The following GRM1 variants were observed in gnomAD, a reference collection of about 807,000 sequenced individuals.
GRM1 encodes glutamate metabotropic receptor 1.
A neutral mutation model predicts 90.9 loss-of-function variants in GRM1; 33 were observed. That is an observed-to-expected ratio of 0.36 (90% CI 0.28 to 0.49). The LOEUF (loss-of-function observed/expected upper bound fraction) is 0.49. GRM1 is among the 20% of genes least tolerant of loss of function. The probability of loss-of-function intolerance (pLI) is 0.99; values close to 1 mark genes in which losing one functional copy is unlikely to be tolerated. For synonymous variants in GRM1, 700 were observed against 613.2 expected, an observed-to-expected ratio of 1.14 and a Z score of -2.09; for missense variants, 1,190 against 1,534.3, an observed-to-expected ratio of 0.78 and a Z score of 3.75.
chr6:146,142,419 A>T (rs374636721), intron 1 of GRM1, among the ~76,000 whole-genome samples: 1 of 152,196 alleles, frequency 6.6e-6, no homozygotes, highest in South Asian at 2.1e-4. Context: ...GCTACTGCCT[A>T]TGTTTGCTGG....
chr6:146,052,181 A>G (rs920606724), intron 1 of GRM1, among the ~76,000 whole-genome samples: 6 of 152,104 alleles, frequency 3.9e-5, no homozygotes, highest in Non-Finnish European at 8.8e-5. Context: ...TGAGGGAAAG[A>G]ATTAGAGATT....
intron 1 of GRM1, among the ~76,000 whole-genome samples, chr6:146,040,461 A>G (rs1211331567): frequency 1.3e-5 from 2 of 152,028 alleles, no homozygotes; most frequent in Non-Finnish European, 2.9e-5. Context: ...TCTGGGGGTG[A>G]TGAATTCCCT....
intron 5 of GRM1, among the ~76,000 whole-genome samples, chr6:146,370,178 G>A (rs1372544538): frequency 6.6e-6 from 1 of 151,996 alleles, no homozygotes; most frequent in African/African-American, 2.4e-5. Flanking sequence ...TCTTGATGTT[G>A]TGCAAGTTTA....
intron 2 of GRM1, among the ~76,000 whole-genome samples, chr6:146,270,965 CTT>C (rs1207791033): frequency 1.9e-5 from 2 of 102,606 alleles, no homozygotes; most frequent in African/African-American, 8.5e-5. Flanking sequence ...TTCTTTCTTT[CTT>C]TTTTTTTTCT....
chr6:146,192,172 T>C (rs569191381), intron 2 of GRM1, among the ~76,000 whole-genome samples: 1 of 152,342 alleles, frequency 6.6e-6, no homozygotes, highest in East Asian at 1.9e-4. Context: ...AATAATAATG[T>C]TCTGCCATCC....
chr6:146,265,919 G>A (rs1781869226), intron 2 of GRM1, among the ~76,000 whole-genome samples: 1 of 152,174 alleles, frequency 6.6e-6, no homozygotes. Context: ...GGCTGGGAGT[G>A]GTGGCTCACG....
intron 1 of GRM1, among the ~76,000 whole-genome samples, chr6:146,124,680 C>A (rs1470982242): frequency 6.6e-6 from 1 of 151,968 alleles, no homozygotes; most frequent in East Asian, 1.9e-4. Flanking sequence ...ATATATATTA[C>A]AATAAACATT....
chr6:146,422,506 T>C (rs1778032264), intron 7 of GRM1, among the ~76,000 whole-genome samples: 1 of 152,204 alleles, frequency 6.6e-6, no homozygotes, highest in Non-Finnish European at 1.5e-5. Flanking sequence ...TAGGCTGGAA[T>C]AGCATTTTGC....
At chr6:146,369,508 G>T (rs1562644804) in intron 5 of GRM1, among the ~76,000 whole-genome samples, 1 of 151,528 alleles carries the variant, frequency 6.6e-6, no homozygotes, top group Non-Finnish European at 1.5e-5. Flanking sequence ...GTAGGTTTTG[G>T]TATCTTGTGT....
chr6:146,182,622 G>A (rs2114551197), intron 2 of GRM1, among the ~76,000 whole-genome samples: 1 of 152,144 alleles, frequency 6.6e-6, no homozygotes, highest in Middle Eastern at 3.4e-3. Flanking sequence ...CCCATACATA[G>A]TACATTCTCA....
At chr6:146,361,538 G>A (rs1419836133) in intron 5 of GRM1, among the ~76,000 whole-genome samples, 1 of 152,202 alleles carries the variant, frequency 6.6e-6, no homozygotes, top group Non-Finnish European at 1.5e-5. Context: ...TGCTGGAAAG[G>A]AGAAGGGAAG....
chr6:146,366,549 T>C (rs1419394436), intron 5 of GRM1, among the ~76,000 whole-genome samples: 2 of 152,250 alleles, frequency 1.3e-5, no homozygotes, highest in South Asian at 2.1e-4. Flanking sequence ...TCTACCTCCA[T>C]GAGACCAACT....
intron 1 of GRM1, among the ~76,000 whole-genome samples, chr6:146,122,623 A>C (rs1776032034): frequency 1.3e-5 from 2 of 151,978 alleles, no homozygotes; most frequent in Admixed American, 1.3e-4. Flanking sequence ...CTCAGCACAA[A>C]CTTCCATTTC....
At chr6:146,413,414 A>G (rs545134168) in intron 7 of GRM1, among the ~76,000 whole-genome samples, 34 of 152,048 alleles carry the variant, frequency 2.2e-4, no homozygotes, top group Non-Finnish European at 4.3e-4. Context: ...ATGGATTTAC[A>G]TTTTTTTAAT....
In GRM1 at chr6:146,412,245, C is replaced by T. The variant is rs549483047; in HGVS notation, c.2660+12546C>T. Among the ~76,000 whole-genome samples the T allele has an allele frequency of 2.0e-5, 3 of 152,198 alleles. No individual in the cohort carries two copies. In the South Asian group the frequency reaches 6.2e-4, roughly 32 times the overall value. ...ACTTCATGAACTGTTTAATATAAGC[C>T]TTATCCTAGCTGACATATCGTTCTT... On this transcript the variant is annotated intron_variant, in intron 7 of 7. Transcript: ENST00000282753.
intron 3 of GRM1, among the ~76,000 whole-genome samples, chr6:146,308,630 A>AT (rs1783664426): frequency 6.6e-6 from 1 of 152,070 alleles, no homozygotes; most frequent in African/African-American, 2.4e-5. Context: ...GTCTTTTATA[A>AT]TTTTTTTCTG....
chr6:146,319,005 C>T (rs1360486175), intron 3 of GRM1, among the ~76,000 whole-genome samples: 2 of 152,076 alleles, frequency 1.3e-5, no homozygotes, highest in East Asian at 3.9e-4. Flanking sequence ...TAATTAGATA[C>T]CATTTGTCAA....
At chr6:146,324,608 G>A (rs1274208734) in intron 3 of GRM1, among the ~76,000 whole-genome samples, 4 of 152,118 alleles carry the variant, frequency 2.6e-5, no homozygotes, top group African/African-American at 9.7e-5. Context: ...CAGGAAAAGT[G>A]TAGTACCTGG....
At position 146,047,580 on chromosome 6, in the gene GRM1, A is replaced by G. The variant is rs1213258432; in HGVS notation, c.700+17363A>G. Among the ~76,000 whole-genome samples the G allele has an allele frequency of 2.0e-5, 3 of 151,732 alleles. No homozygotes were observed. The South Asian group carries it at 6.2e-4, about 31-fold the overall frequency. On this transcript the variant is annotated intron_variant, in intron 1 of 7. Coordinates refer to ENST00000282753, the MANE Select transcript of GRM1 (RefSeq NM_001278064.2). ...ACTTAGGTCACATGCCTCAGGAAAA[A>G]AAAAAAAAAAACCTGCCAGGAGCAA...
Sources: gnomAD v4.1 joint callset for allele counts (sites outside exome capture counted in the v4.1 genomes callset) on GRCh38, gnomAD v4.1.1 for gene constraint, MANE v1.5 for transcripts, NCBI Gene and HGNC (gene_info 2026-07-23, HGNC 2026-07-21) for gene names.